The following SPEF2 variants were observed in gnomAD, a reference collection of about 807,000 sequenced individuals.
SPEF2 encodes the protein sperm flagella and cilia-associated protein 2.
SPEF2 carries 187 observed loss-of-function variants against 224.6 expected under a neutral mutation model. The ratio of observed to expected loss-of-function variants is 0.83; its 90% CI spans 0.74 to 0.94. The LOEUF (loss-of-function observed/expected upper bound fraction) is 0.94. Among genes scored for constraint, SPEF2 ranks in the 40% least tolerant of loss-of-function variants. SPEF2 has a pLI of 0.00. For missense variants in SPEF2, 2,170 were observed against 2,135.6 expected (o/e 1.02, Z -0.32); for synonymous variants, 715 against 707.3 (o/e 1.01, Z -0.17).
chr5:35,747,954 A>C (rs1055201611), intron 23 of SPEF2, among the ~76,000 whole-genome samples: 3 of 152,186 alleles, frequency 2.0e-5, no homozygotes, highest in African/African-American at 7.2e-5. Flanking sequence ...AGCCTCAATA[A>C]ATTTAAGAAA....
intron 1 of SPEF2, among the ~76,000 whole-genome samples, chr5:35,623,181 C>A (rs1561086086): frequency 6.6e-6 from 1 of 152,138 alleles, no homozygotes. Flanking sequence ...TGGTGCCTTG[C>A]TGTGAAATTG....
chr5:35,620,814 C>T (rs1743399653), intron 1 of SPEF2, among the ~76,000 whole-genome samples: 1 of 151,966 alleles, frequency 6.6e-6, no homozygotes, highest in Non-Finnish European at 1.5e-5. Context: ...TATATTTGTA[C>T]CAATTAGGAA....
Position 35,675,602 on chromosome 5 carries a change from G to T in SPEF2, c.1524+5375G>T, listed in dbSNP as rs1168922421. ...GTCGCCCAGGCTGACGTGCAGTGGC[G>T]CAATCTCGGCTGGCTGCAAGCTCCG... On this transcript the variant is annotated intron_variant, in intron 10 of 36. Coordinates refer to ENST00000356031, the MANE Select transcript of SPEF2 (RefSeq NM_024867.4). 5 of 165,276 alleles carry T rather than the reference G, an allele frequency of 3.0e-5. No individual in the cohort carries two copies. In the East Asian group the frequency reaches 6.3e-4, roughly 21 times the overall value. 10.2% of individuals were successfully genotyped at this position (165,276 alleles called of 1,614,324 possible).
At chr5:35,706,268 A>AT (rs989056453) in intron 18 of SPEF2, among the ~76,000 whole-genome samples, 7 of 151,898 alleles carry the variant, frequency 4.6e-5, no homozygotes, top group Admixed American at 1.3e-4. Flanking sequence ...ACACTAGGCA[A>AT]TTTTTTCTCA....
At chr5:35,783,923 C>T (rs1009588733) in intron 30 of SPEF2, among the ~76,000 whole-genome samples, 11 of 152,148 alleles carry the variant, frequency 7.2e-5, no homozygotes, top group Non-Finnish European at 1.5e-4. Context: ...GTAAGCCCAT[C>T]GGTACTCAAT....
At chr5:35,808,760 G>GTA (rs1050779081) in intron 36 of SPEF2, among the ~76,000 whole-genome samples, 7 of 144,818 alleles carry the variant, frequency 4.8e-5, no homozygotes, top group Non-Finnish European at 7.5e-5. Context: ...ATATTTATAT[G>GTA]TATATATATA....
chr5:35,750,853 C>G (rs752170618), intron 23 of SPEF2, among the ~76,000 whole-genome samples: 3 of 150,226 alleles, frequency 2.0e-5, no homozygotes, highest in Non-Finnish European at 3.0e-5. Context: ...GGGTATCTAC[C>G]CAGAGGAAAA....
At position 35,773,997 on chromosome 5, in the gene SPEF2, CACCTT is replaced by C; in HGVS notation, c.4055_4059del (p.His1352ArgfsTer6). 1 of 1,612,738 alleles carries C rather than the reference CACCTT, an allele frequency of 6.2e-7. No homozygotes were observed. Among genetic ancestry groups the C allele is most frequent in the Non-Finnish European group, 8.5e-7 (1 of 1,179,358 alleles). On this transcript the variant is annotated frameshift_variant, in exon 28 of 37. Transcript: ENST00000356031. LOFTEE classifies it high-confidence loss of function. ...ACTGAGGGTCAAAATAAAAGAAGAACACCTTGCTGCCTTGCAATTTGAAGGTAGCG... is the reference window on the plus strand; with the variant it reads ...ACTGAGGGTCAAAATAAAAGAAGAACGCTGCCTTGCAATTTGAAGGTAGCG...
chr5:35,715,231 T>C (rs953278754), intron 20 of SPEF2, among the ~76,000 whole-genome samples: 3 of 151,522 alleles, frequency 2.0e-5, no homozygotes, highest in Admixed American at 1.3e-4. Flanking sequence ...TTAAGTTTTT[T>C]ATATAATTGT....
At chr5:35,701,749 G>T (rs940741174) in intron 16 of SPEF2, among the ~76,000 whole-genome samples, 6 of 152,112 alleles carry the variant, frequency 3.9e-5, no homozygotes, top group Non-Finnish European at 7.4e-5. Context: ...TAAAAAAGAT[G>T]ATTTGAAATA....
chr5:35,737,128 T>G (rs1488445183), intron 21 of SPEF2, among the ~76,000 whole-genome samples: 1 of 152,220 alleles, frequency 6.6e-6, no homozygotes, highest in Non-Finnish European at 1.5e-5. Context: ...ATTTCTTTTT[T>G]TTTGTCATAT....
At chr5:35,681,809 A>G (rs920788111) in intron 10 of SPEF2, among the ~76,000 whole-genome samples, 1 of 152,156 alleles carries the variant, frequency 6.6e-6, no homozygotes, top group South Asian at 2.1e-4. Flanking sequence ...GAAAGCCACT[A>G]TCTTAGAAGA....
At chr5:35,679,992 G>T (rs1752565577) in intron 10 of SPEF2, among the ~76,000 whole-genome samples, 1 of 152,144 alleles carries the variant, frequency 6.6e-6, no homozygotes, top group African/African-American at 2.4e-5. Flanking sequence ...TGTTTTAGGT[G>T]ATTTGGGGAT....
In SPEF2 at chr5:35,800,077, G is replaced by C; in HGVS notation, c.4940G>C (p.Arg1647Thr). 1 of 1,614,066 alleles carries C rather than the reference G, an allele frequency of 6.2e-7. No individual in the cohort carries two copies. The highest frequency in any genetic ancestry group is 8.5e-7 in the Non-Finnish European group (1 of 1,180,020). ...CHPDTVEGVY[R>T]ALSVAVGTHV... ...CCAGACACCGTGGAAGGAGTCTACA[G>C]GGCCCTCAGTGTGGCTGTTGGAACT... Residue 1647 changes from arginine (R) to threonine (T), a missense_variant, in exon 34 of 37, where the codon AGG (arginine) becomes ACG (threonine). Transcript: ENST00000356031.
intron 2 of SPEF2, chr5:35,632,905 G>A (rs146145853): frequency 3.5e-4 from 53 of 151,734 alleles, no homozygotes; most frequent in Admixed American, 7.2e-4. Flanking sequence ...TAATTACATC[G>A]TCATTGGACA....
At chr5:35,788,609 C>T (rs548922225) in intron 30 of SPEF2, 4 of 702,834 alleles carry the variant, frequency 5.7e-6, no homozygotes, top group Non-Finnish European at 7.8e-6. Context: ...TGAGAAAACT[C>T]TAGAGATAAA....
At chr5:35,674,372 C>CTTT (rs1469111459) in intron 10 of SPEF2, among the ~76,000 whole-genome samples, 37 of 76,214 alleles carry the variant, frequency 4.9e-4, no homozygotes, top group African/African-American at 1.6e-3. Context: ...TTTCCAAATT[C>CTTT]TTTTTATTAT....
chr5:35,651,902 C>T (rs1748237988), intron 6 of SPEF2, among the ~76,000 whole-genome samples: 1 of 152,162 alleles, frequency 6.6e-6, no homozygotes, highest in African/African-American at 2.4e-5. Context: ...AACAAGGTTC[C>T]TCCATTTTTT....
chr5:35,641,764 A>G (rs758000706), intron 3 of SPEF2, 81 bp downstream of exon 3: 2 of 1,457,054 alleles, frequency 1.4e-6, no homozygotes, highest in South Asian at 1.4e-5. Context: ...TGAATTCTCA[A>G]AGAAGCCTCA....
Sources: gnomAD v4.1 joint callset for allele counts (sites outside exome capture counted in the v4.1 genomes callset) on GRCh38, gnomAD v4.1.1 for gene constraint, MANE v1.5 for transcripts, NCBI Gene and HGNC (gene_info 2026-07-23, HGNC 2026-07-21) for gene names.